The following AKR1C3 variants were observed in gnomAD, a reference collection of about 807,000 sequenced individuals.
AKR1C3 encodes the protein 3-alpha hydroxysteroid dehydrogenase, type II.
In AKR1C3, 48 loss-of-function variants were observed where a neutral mutation model predicts 43.6. The observed-to-expected ratio is 1.10, with a 90% confidence interval of 0.87 to 1.40. The LOEUF (loss-of-function observed/expected upper bound fraction) is 1.40. Among genes scored for constraint, AKR1C3 ranks in the 40% most tolerant of loss-of-function variants. The pLI is 0.00. For synonymous variants in AKR1C3, 162 were observed against 139.6 expected (o/e 1.16, Z -1.13); for missense variants, 482 against 391.2 (o/e 1.23, Z -1.96).
chr10:5,048,994 G>T (rs982189576), intron 1 of AKR1C3: 51 of 905,598 alleles, frequency 5.6e-5, no homozygotes, highest in Non-Finnish European at 9.0e-5. Flanking sequence ...GTATTACTCT[G>T]CATGACTCCA....
chr10:5,060,062 G>A (rs1554780059), intron 1 of AKR1C3, among the ~76,000 whole-genome samples: 1 of 152,100 alleles, frequency 6.6e-6, no homozygotes, highest in African/African-American at 2.4e-5. Context: ...CTCTTAAGGT[G>A]GAACGTCTGG....
intron 1 of AKR1C3, among the ~76,000 whole-genome samples, chr10:5,054,919 G>T (rs1212744611): frequency 6.6e-6 from 1 of 152,214 alleles, no homozygotes; most frequent in African/African-American, 2.4e-5. Flanking sequence ...TTGGGTTTTT[G>T]CACTGCATGC....
chr10:5,098,220 T>C, intron 3 of AKR1C3: 1 of 973,266 alleles, frequency 1.0e-6, no homozygotes, highest in Non-Finnish European at 1.2e-6. Context: ...TCTACAAAAA[T>C]GTATCATTTG....
chr10:5,098,067 A>G (rs7076063), intron 3 of AKR1C3: 175,558 of 995,148 alleles, frequency 0.18, 18,220 homozygotes, highest in East Asian at 0.66. Context: ...TTGAAGCTGT[A>G]TTTAGCCAGG....
chr10:5,080,324 T>A (rs541496399), intron 1 of AKR1C3, among the ~76,000 whole-genome samples: 2 of 152,182 alleles, frequency 1.3e-5, no homozygotes, highest in Non-Finnish European at 2.9e-5. Flanking sequence ...TTTGTAATTA[T>A]AAGATTTCTC....
At chr10:5,077,252 ATT>A (rs1357283305) in intron 1 of AKR1C3, among the ~76,000 whole-genome samples, 1 of 152,046 alleles carries the variant, frequency 6.6e-6, no homozygotes, top group Non-Finnish European at 1.5e-5. Flanking sequence ...AGCCCTGGGT[ATT>A]TTTCTCTCAT....
At chr10:5,092,821 C>T (rs1014352391), upstream of AKR1C3, among the ~76,000 whole-genome samples, 9 of 151,960 alleles carry the variant, frequency 5.9e-5, no homozygotes, top group South Asian at 1.0e-3. Flanking sequence ...TCTGTCAACT[C>T]GTTTTCTTTC....
upstream of AKR1C3, chr10:5,093,711 T>C (rs1471186573): frequency 6.6e-6 from 1 of 152,138 alleles, no homozygotes; most frequent in Non-Finnish European, 1.5e-5. Context: ...TGCTTGCATA[T>C]ATTAAATGAT....
chr10:5,107,569 C>A lies in AKR1C3; in HGVS notation c.*66C>A. 7.6e-7 allele frequency: 1 copy of A among 1,312,686 alleles called. No individual in the cohort carries two copies. Among genetic ancestry groups the A allele is most frequent in the Non-Finnish European group, 1.1e-6 (1 of 914,906 alleles). The allele number at this position is 1,312,686 out of a possible 1,614,324, so 81.3% of individuals were successfully genotyped here. On this transcript the variant is annotated 3_prime_UTR_variant, in exon 9 of 9. Transcript: ENST00000380554. ...GTGGATGGTGACGCAGAGGACGTCT[C>A]TATGCCGGTGACTGGACATATCACC...
chr10:5,102,170 G>GT lies in AKR1C3; in HGVS notation c.642dup (p.Ala215CysfsTer3), dbSNP rs1554786131. 1.9e-6 allele frequency: 3 copies of GT among 1,614,036 alleles called. No homozygotes were observed. The highest frequency in any genetic ancestry group is 1.7e-6 in the Non-Finnish European group (2 of 1,179,948). On this transcript the variant is annotated frameshift_variant, in exon 6 of 9. Coordinates refer to ENST00000380554, the MANE Select transcript of AKR1C3 (RefSeq NM_003739.6). LOFTEE classifies it high-confidence loss of function. Reference sequence around the variant, plus strand: ...CTGCAAGTCGAAAGATATTGTTCTGGTTGCCTATAGTGCTCTGGGATCTCA... The same window carrying GT: ...CTGCAAGTCGAAAGATATTGTTCTGGTTTGCCTATAGTGCTCTGGGATCTCA...
rs181646849 is a variant in AKR1C3 at position 5,072,645 on chromosome 10, C to T, written c.84+23750C>T. On this transcript the variant is annotated intron_variant, in intron 1 of 8. Transcript: ENST00000439082. The stretch of plus-strand genomic sequence containing the variant: ...ATGGGCCCCTTACTCCAAGCTACAA[C>T]TGCCTGCTTGTCATAAAGAAATGTT... Among the ~76,000 whole-genome samples, 323 of 152,314 alleles carry T rather than the reference C, an allele frequency of 2.1e-3. 1 individual carries two copies. The highest frequency in any genetic ancestry group is 7.4e-3 in the African/African-American group (309 of 41,570).
At chr10:5,093,603 A>T (rs898674848), upstream of AKR1C3, 8 of 152,154 alleles carry the variant, frequency 5.3e-5, no homozygotes, top group East Asian at 1.3e-3. Context: ...ATGTTTAACA[A>T]GATGACAGAT....
chr10:5,102,312 G>A (rs1302528570), intron 6 of AKR1C3, 102 bp downstream of exon 6: 2 of 1,583,640 alleles, frequency 1.3e-6, no homozygotes, highest in African/African-American at 2.7e-5. Flanking sequence ...AGTGGCTCAT[G>A]GAGAGGAAAG....
chr10:5,054,770 C>G (rs1186195620), intron 1 of AKR1C3, among the ~76,000 whole-genome samples: 1 of 152,112 alleles, frequency 6.6e-6, no homozygotes, highest in Non-Finnish European at 1.5e-5. Context: ...GTTTCTGTCT[C>G]TGTCTCTTCC....
rs1588341711 is a variant in AKR1C3, at chr10:5,075,944, G to A, written c.85-20466G>A. Reference sequence around the variant, plus strand: ...TGTATTACTAGGGGGGCTCTAGAGAGATGGAGGGGCACAGGTTGCTGGGGC... The same window carrying A: ...TGTATTACTAGGGGGGCTCTAGAGAAATGGAGGGGCACAGGTTGCTGGGGC... On this transcript the variant is annotated intron_variant, in intron 1 of 8. Coordinates refer to the AKR1C3 transcript ENST00000439082. 2.0e-5 allele frequency among the ~76,000 whole-genome samples: 3 copies of A among 151,360 alleles called. No individual in the cohort carries two copies. The East Asian group carries it at 5.8e-4, about 29-fold the overall frequency.
rs187262421 is a variant in AKR1C3, at chr10:5,058,365, G to A, written c.84+9470G>A. ...ATTGTAATTTGTACTTCCCTCAGGT[G>A]GCCATTTTTCCCCATCAAAGAGAGA... On this transcript the variant is annotated intron_variant, in intron 1 of 8. Coordinates refer to the AKR1C3 transcript ENST00000439082. 3.0e-4 allele frequency among the ~76,000 whole-genome samples: 46 copies of A among 152,248 alleles called. No individual in the cohort carries two copies. The East Asian group carries it at 7.3e-3, about 24-fold the overall frequency.
chr10:5,095,156 T>C (rs1839178281), intron 1 of AKR1C3, among the ~76,000 whole-genome samples: 1 of 152,152 alleles, frequency 6.6e-6, no homozygotes, highest in Non-Finnish European at 1.5e-5. Context: ...ATGCATCATA[T>C]TTGTATCAAA....
At chr10:5,068,508 C>G (rs1390249645) in intron 1 of AKR1C3, among the ~76,000 whole-genome samples, 1 of 69,286 alleles carries the variant, frequency 1.4e-5, no homozygotes, top group East Asian at 1.2e-3. Flanking sequence ...TAACCTTTTA[C>G]CAAAAAAAAA....
At chr10:5,078,955 G>C (rs1838774657) in intron 1 of AKR1C3, among the ~76,000 whole-genome samples, 1 of 152,128 alleles carries the variant, frequency 6.6e-6, no homozygotes, top group East Asian at 1.9e-4. Flanking sequence ...CACTAGACGT[G>C]TTCATGTAAA....
Sources: gnomAD v4.1 joint callset for allele counts (sites outside exome capture counted in the v4.1 genomes callset) on GRCh38, gnomAD v4.1.1 for gene constraint, MANE v1.5 for transcripts, NCBI Gene and HGNC (gene_info 2026-07-23, HGNC 2026-07-21) for gene names.